Variants in ELP4 observed in about 807,000 individuals in gnomAD.
ELP4 encodes elongator acetyltransferase complex subunit 4, also known as elongator complex protein 4.
A neutral mutation model predicts 48.9 loss-of-function variants in ELP4; 51 were observed. The observed-to-expected ratio is 1.04, with a 90% CI of 0.83 to 1.32. The LOEUF is 1.32. Ranked by LOEUF, ELP4 falls within the 40% of genes most tolerant of loss-of-function variation. The probability of loss-of-function intolerance (pLI) is 0.00; values close to 1 mark genes in which losing one functional copy is unlikely to be tolerated. For synonymous variants in ELP4, 210 were observed against 189.2 expected, an observed-to-expected ratio of 1.11 and a Z score of -0.90; for missense variants, 519 against 514.6, an observed-to-expected ratio of 1.01 and a Z score of -0.08.
At chr11:31,526,766 A>G (rs543572661) in intron 2 of ELP4, among the ~76,000 whole-genome samples, 1 of 152,042 alleles carries the variant, frequency 6.6e-6, no homozygotes, top group Non-Finnish European at 1.5e-5. Context: ...GGACCTAGCA[A>G]TATCAATTTC....
chr11:31,740,945 G>A (rs952118751), intron 9 of ELP4, among the ~76,000 whole-genome samples: 17 of 152,366 alleles, frequency 1.1e-4, no homozygotes, highest in Admixed American at 8.5e-4. Flanking sequence ...GCGAGGCATC[G>A]CCTCACCCGG....
intron 5 of ELP4, among the ~76,000 whole-genome samples, chr11:31,608,103 A>C (rs1375791648): frequency 6.6e-6 from 1 of 151,464 alleles, no homozygotes. Flanking sequence ...TGATAATGAG[A>C]TGGAGAACGG....
intron 5 of ELP4, among the ~76,000 whole-genome samples, chr11:31,609,242 G>A (rs532049016): frequency 7.4e-4 from 112 of 152,226 alleles, no homozygotes; most frequent in African/African-American, 2.2e-3. Flanking sequence ...GCGAATAGCC[G>A]CGGCTAGTAG....
At chr11:31,692,381 A>G (rs1440398271) in intron 9 of ELP4, among the ~76,000 whole-genome samples, 5 of 152,194 alleles carry the variant, frequency 3.3e-5, no homozygotes, top group African/African-American at 1.2e-4. Context: ...TCTAAAAAAC[A>G]TTAAGTACTT....
At chr11:31,624,421 A>G (rs1270793456) in intron 5 of ELP4, among the ~76,000 whole-genome samples, 4 of 151,686 alleles carry the variant, frequency 2.6e-5, no homozygotes, top group African/African-American at 9.7e-5. Context: ...GAAAAGGTTC[A>G]GTAAATAATA....
chr11:31,757,330 C>A (rs1236883705), intron 9 of ELP4, among the ~76,000 whole-genome samples: 4 of 151,944 alleles, frequency 2.6e-5, no homozygotes, highest in Non-Finnish European at 5.9e-5. Context: ...GGGAAAGATC[C>A]CAGTTACATT....
chr11:31,775,589 C>T (rs1948227458), intron 9 of ELP4, among the ~76,000 whole-genome samples: 1 of 152,134 alleles, frequency 6.6e-6, no homozygotes, highest in South Asian at 2.1e-4. Flanking sequence ...AATCTCAGCA[C>T]TTTCGGAGGC....
chr11:31,552,469 A>G (rs567311192), intron 3 of ELP4, among the ~76,000 whole-genome samples: 2 of 152,162 alleles, frequency 1.3e-5, no homozygotes, highest in South Asian at 2.1e-4. Flanking sequence ...CACATGTTCA[A>G]AACCAAACTC....
intron 9 of ELP4, among the ~76,000 whole-genome samples, chr11:31,757,825 A>G (rs1345358343): frequency 6.6e-6 from 1 of 152,216 alleles, no homozygotes; most frequent in African/African-American, 2.4e-5. Flanking sequence ...AATGGCTCAT[A>G]GAAGTGGAGG....
intron 9 of ELP4, among the ~76,000 whole-genome samples, chr11:31,779,288 G>C (rs553071003): frequency 5.9e-5 from 9 of 152,300 alleles, no homozygotes; most frequent in African/African-American, 1.7e-4. Flanking sequence ...ATTTTAATGA[G>C]TATTTACCTG....
intron 9 of ELP4, among the ~76,000 whole-genome samples, chr11:31,705,691 AAG>A (rs1452763539): frequency 1.3e-5 from 2 of 152,324 alleles, no homozygotes; most frequent in Non-Finnish European, 2.9e-5. Context: ...TTAAAGGAAA[AAG>A]TGGACCACCA....
chr11:31,674,630 G>A (rs919390359), intron 9 of ELP4, among the ~76,000 whole-genome samples: 10 of 152,104 alleles, frequency 6.6e-5, no homozygotes, highest in African/African-American at 1.4e-4. Flanking sequence ...AGTTTGACCC[G>A]CCAACCATTT....
Position 31,544,412 on chromosome 11 carries a change from T to A in ELP4, c.381+4629T>A, listed in dbSNP as rs191643296. 2.1e-3 allele frequency among the ~76,000 whole-genome samples: 324 copies of A among 152,266 alleles called. 2 individuals carry two copies. Among genetic ancestry groups the A allele is most frequent in the South Asian group, 2.3e-3 (11 of 4,826 alleles). On this transcript the variant is annotated intron_variant, in intron 3 of 9. Coordinates refer to ENST00000640961, the MANE Select transcript of ELP4 (RefSeq NM_019040.5). ...CTCCCTGATTGCTAGCACAGCAGTC[T>A]GAGATCAAACTGCAAGGCGGCAGTG...
chr11:31,751,149 A>G (rs557418650), intron 9 of ELP4, among the ~76,000 whole-genome samples: 5 of 152,326 alleles, frequency 3.3e-5, no homozygotes, highest in African/African-American at 1.2e-4. Context: ...TCAAATTAAT[A>G]TGTGTGTTTT....
At chr11:31,586,998 A>G (rs1957487521) in intron 3 of ELP4, among the ~76,000 whole-genome samples, 1 of 152,196 alleles carries the variant, frequency 6.6e-6, no homozygotes, top group African/African-American at 2.4e-5. Flanking sequence ...AATCAAAAAT[A>G]TAATCTATCT....
chr11:31,668,891 T>C (rs1484768250), intron 9 of ELP4, among the ~76,000 whole-genome samples: 1 of 151,846 alleles, frequency 6.6e-6, no homozygotes, highest in Non-Finnish European at 1.5e-5. Context: ...TTAGTAAATA[T>C]TTATGAAGGT....
chr11:31,555,401 T>C (rs1956914549), intron 3 of ELP4, among the ~76,000 whole-genome samples: 1 of 152,114 alleles, frequency 6.6e-6, no homozygotes, highest in Admixed American at 6.5e-5. Context: ...TCATTTCACC[T>C]GTTAGTAATA....
chr11:31,642,686 C>A (rs1945123906), intron 7 of ELP4, among the ~76,000 whole-genome samples: 2 of 151,682 alleles, frequency 1.3e-5, no homozygotes, highest in African/African-American at 2.4e-5. Flanking sequence ...CGTGTTAAAT[C>A]TGGAAAGATT....
In ELP4 at chr11:31,564,225, T is replaced by C. The variant is rs531926356; in HGVS notation, c.381+24442T>C. 5.3e-5 allele frequency among the ~76,000 whole-genome samples: 8 copies of C among 152,292 alleles called. No individual in the cohort carries two copies. The East Asian group carries it at 1.5e-3, about 29-fold the overall frequency. On this transcript the variant is annotated intron_variant, in intron 3 of 9. Transcript: ENST00000640961. ...GTATTAGATAACAAAAGTATCAGAA[T>C]GTTCCTTCTTTGTTCCCCAACATAT... is the stretch of plus-strand genomic sequence containing the variant.
Sources: gnomAD v4.1 joint callset for allele counts (sites outside exome capture counted in the v4.1 genomes callset) on GRCh38, gnomAD v4.1.1 for gene constraint, MANE v1.5 for transcripts, NCBI Gene and HGNC (gene_info 2026-07-23, HGNC 2026-07-21) for gene names.